The following DOCK1 variants were observed in gnomAD, a reference collection of about 807,000 sequenced individuals.
DOCK1 encodes dedicator of cytokinesis protein 1.
A neutral mutation model predicts 262.7 loss-of-function variants in DOCK1; 138 were observed. That is an observed-to-expected ratio of 0.53 (90% confidence interval 0.46 to 0.61). DOCK1 has a LOEUF of 0.61. Among genes scored for constraint, DOCK1 ranks in the 20% least tolerant of loss-of-function variants. The pLI, the probability that DOCK1 is intolerant of heterozygous loss-of-function variation, is 0.00. For missense variants in DOCK1, 1,908 were observed against 2,370.7 expected (o/e 0.80, Z 4.05); for synonymous variants, 866 against 867.4 (o/e 1.00, Z 0.03).
At chr10:127,431,096 G>A (rs2069253690) in intron 47 of DOCK1, among the ~76,000 whole-genome samples, 1 of 151,828 alleles carries the variant, frequency 6.6e-6, no homozygotes, top group Admixed American at 6.6e-5. Flanking sequence ...GCTCCGAGTG[G>A]CTCGGGGTTT....
chr10:127,376,327 T>G (rs1347291575), intron 35 of DOCK1, among the ~76,000 whole-genome samples: 1 of 152,220 alleles, frequency 6.6e-6, no homozygotes, highest in Non-Finnish European at 1.5e-5. Flanking sequence ...ACAGAATCTG[T>G]GGACTTGAAA....
chr10:127,103,928 G>A (rs918185002), intron 23 of DOCK1, among the ~76,000 whole-genome samples: 2 of 152,312 alleles, frequency 1.3e-5, no homozygotes, highest in East Asian at 1.9e-4. Flanking sequence ...GTTATACAAA[G>A]AGCATGTTGT....
rs1275124433 is a variant in DOCK1 at position 127,419,742 on chromosome 10, C to G, written c.4769C>G (p.Ala1590Gly). Residue 1590 changes from alanine (A) to glycine (G), a missense_variant, in exon 46 of 52, where the codon GCT (alanine) becomes GGT (glycine). Around this residue, in one of 9 missense-constraint regions of DOCK1, gnomAD observed 383 missense variants for 420.1 expected, o/e 0.91. Coordinates refer to ENST00000623213, the MANE Select transcript of DOCK1 (RefSeq NM_001290223.2). ...ATCGAGAAGCTCAAGGACCTGATTG[C>G]TTGGCAGGTAAAGTGTCCAGCAAGA... is the stretch of plus-strand genomic sequence containing the variant. ...EKIEKLKDLI[A>G]WQIPFLAEGI... 14 of 1,595,204 alleles carry G rather than the reference C, an allele frequency of 8.8e-6. No homozygotes were observed. In the Admixed American group the frequency reaches 2.3e-4, roughly 26 times the overall value.
intron 25 of DOCK1, among the ~76,000 whole-genome samples, chr10:127,111,265 A>G (rs1225017019): frequency 1.3e-5 from 2 of 152,134 alleles, no homozygotes; most frequent in African/African-American, 4.8e-5. Flanking sequence ...AATGCACCAG[A>G]GTGTACACGT....
At chr10:126,973,607 G>A (rs776572448) in intron 2 of DOCK1, among the ~76,000 whole-genome samples, 3 of 152,162 alleles carry the variant, frequency 2.0e-5, no homozygotes, top group Non-Finnish European at 2.9e-5. Context: ...AGCATAAAAT[G>A]AATTTCCGTT....
At chr10:127,333,956 A>G (rs1192370289) in intron 29 of DOCK1, among the ~76,000 whole-genome samples, 1 of 152,212 alleles carries the variant, frequency 6.6e-6, no homozygotes, top group African/African-American at 2.4e-5. Context: ...GCTTAGAGGC[A>G]CTGGGGTTGA....
chr10:126,968,172 G>A (rs55881148), intron 1 of DOCK1, among the ~76,000 whole-genome samples: 23,098 of 152,082 alleles, frequency 0.15, 2,150 homozygotes, highest in South Asian at 0.27. Context: ...CCCTGTGGCC[G>A]TGAAAGCTTT....
chr10:127,413,903 T>C (rs1310973266), intron 43 of DOCK1, among the ~76,000 whole-genome samples: 1 of 149,840 alleles, frequency 6.7e-6, no homozygotes, highest in Non-Finnish European at 1.5e-5. Flanking sequence ...AAGATCCAAG[T>C]CAGTTTTCTG....
chr10:126,934,658 CAACTT>C (rs1179595298), intron 1 of DOCK1, among the ~76,000 whole-genome samples: 1 of 150,822 alleles, frequency 6.6e-6, no homozygotes, highest in East Asian at 2.0e-4. Context: ...AGATGTGTGT[CAACTT>C]AACCTACTTT....
At chr10:127,290,647 C>T (rs146367105) in intron 29 of DOCK1, among the ~76,000 whole-genome samples, 3 of 152,254 alleles carry the variant, frequency 2.0e-5, no homozygotes, top group Non-Finnish European at 2.9e-5. Flanking sequence ...ACTTTTTCAC[C>T]GTATGAATGT....
At chr10:127,348,740 C>G (rs1391075198) in intron 31 of DOCK1, among the ~76,000 whole-genome samples, 1 of 152,080 alleles carries the variant, frequency 6.6e-6, no homozygotes, top group Non-Finnish European at 1.5e-5. Context: ...CCCATCTGAC[C>G]AAACACTGGG....
chr10:126,954,483 C>T lies in DOCK1; in HGVS notation c.47-16219C>T, dbSNP rs1181093147. On this transcript the variant is annotated intron_variant, in intron 1 of 51. Transcript: ENST00000623213. ...CATTTTTAGGTGTACAGTTCAGTGG[C>T]GTTAAACACACTGACGTTGTTGGGC... 5.9e-5 allele frequency among the ~76,000 whole-genome samples: 9 copies of T among 152,314 alleles called. No individual in the cohort carries two copies. The South Asian group carries it at 6.2e-4, about 11-fold the overall frequency.
At chr10:127,393,936 G>T (rs537403898) in intron 38 of DOCK1, among the ~76,000 whole-genome samples, 1 of 151,868 alleles carries the variant, frequency 6.6e-6, no homozygotes, top group South Asian at 2.1e-4. Context: ...CTTGCCGCCC[G>T]CCTGAGTGTG....
chr10:126,975,807 G>A (rs1349910818), intron 2 of DOCK1, among the ~76,000 whole-genome samples: 6 of 150,992 alleles, frequency 4.0e-5, no homozygotes, highest in African/African-American at 1.5e-4. Context: ...TAGTAGAGAC[G>A]GGGTTTTGCC....
intron 29 of DOCK1, among the ~76,000 whole-genome samples, chr10:127,275,234 C>G (rs2135222624): frequency 6.6e-6 from 1 of 150,760 alleles, no homozygotes; most frequent in Middle Eastern, 3.4e-3. Flanking sequence ...AGACCAAGAG[C>G]AGGAGTCAGT....
chr10:126,956,839 G>A (rs2036779665), intron 1 of DOCK1, among the ~76,000 whole-genome samples: 1 of 152,180 alleles, frequency 6.6e-6, no homozygotes, highest in African/African-American at 2.4e-5. Flanking sequence ...GAGGGAGGGA[G>A]TGGCCAGGCT....
intron 51 of DOCK1, among the ~76,000 whole-genome samples, chr10:127,448,448 A>G (rs947545190): frequency 6.6e-6 from 1 of 152,204 alleles, no homozygotes; most frequent in African/African-American, 2.4e-5. Flanking sequence ...GTTCTCAAGG[A>G]TGCTGTCAGG....
intron 29 of DOCK1, among the ~76,000 whole-genome samples, chr10:127,299,400 G>A (rs931831477): frequency 5.9e-5 from 9 of 152,182 alleles, no homozygotes; most frequent in South Asian, 4.1e-4. Flanking sequence ...CGCCGCGCCC[G>A]GCCAAGAAGG....
At chr10:126,972,497 G>T (rs1455387310) in intron 2 of DOCK1, among the ~76,000 whole-genome samples, 5 of 152,098 alleles carry the variant, frequency 3.3e-5, no homozygotes. Flanking sequence ...TATAGCATAT[G>T]AATAAAAAGG....
Sources: allele counts gnomAD v4.1 joint callset (sites outside exome capture counted in the v4.1 genomes callset), GRCh38; gene constraint gnomAD v4.1.1; regional missense constraint gnomAD v4.1.1; transcripts MANE v1.5; gene names NCBI Gene and HGNC (gene_info 2026-07-23, HGNC 2026-07-21).